The following CADM2 variants were observed in gnomAD, a reference collection of about 807,000 sequenced individuals.
CADM2 encodes immunoglobulin superfamily member 4D.
A neutral mutation model predicts 49.8 loss-of-function variants in CADM2; 12 were observed. The observed-to-expected ratio is 0.24, with a 90% confidence interval of 0.15 to 0.39. The LOEUF (loss-of-function observed/expected upper bound fraction) is 0.39. CADM2 is among the 10% of genes least tolerant of loss of function. The pLI is 1.00. For missense variants in CADM2, 378 were observed against 492.3 expected (o/e 0.77, Z 2.20); for synonymous variants, 214 against 175.4 (o/e 1.22, Z -1.74).
chr3:85,229,278 A>G (rs1212949811), intron 1 of CADM2, among the ~76,000 whole-genome samples: 2 of 152,190 alleles, frequency 1.3e-5, no homozygotes, highest in Non-Finnish European at 2.9e-5. Context: ...GCCAGGCACC[A>G]GAGGGAATCT....
chr3:85,746,002 C>T (rs1203491748), intron 2 of CADM2, among the ~76,000 whole-genome samples: 4 of 151,964 alleles, frequency 2.6e-5, no homozygotes, highest in African/African-American at 9.7e-5. Flanking sequence ...TTATGGTCAA[C>T]CAGGAAATAA....
chr3:85,770,882 T>C (rs1306836631), intron 2 of CADM2, among the ~76,000 whole-genome samples: 1 of 152,148 alleles, frequency 6.6e-6, no homozygotes, highest in African/African-American at 2.4e-5. Context: ...ACTTTGATAA[T>C]TTTCAAAGGG....
chr3:85,972,113 G>C (rs1726229192), intron 8 of CADM2, among the ~76,000 whole-genome samples: 1 of 151,658 alleles, frequency 6.6e-6, no homozygotes, highest in African/African-American at 2.4e-5. Context: ...ATTTAAGTAA[G>C]AGCTTTGGTG....
At chr3:85,407,996 A>G (rs1358604001) in intron 1 of CADM2, among the ~76,000 whole-genome samples, 2 of 137,832 alleles carry the variant, frequency 1.5e-5, no homozygotes, top group Non-Finnish European at 3.1e-5. Context: ...TCTTTAAACA[A>G]AACAAAACAA....
At chr3:85,668,381 A>G (rs1456468989) in intron 1 of CADM2, among the ~76,000 whole-genome samples, 1 of 151,958 alleles carries the variant, frequency 6.6e-6, no homozygotes, top group Non-Finnish European at 1.5e-5. Context: ...GAAATAATAA[A>G]TACATTAGAT....
At chr3:85,517,417 C>T (rs1386611147) in intron 1 of CADM2, among the ~76,000 whole-genome samples, 1 of 151,978 alleles carries the variant, frequency 6.6e-6, no homozygotes, top group Non-Finnish European at 1.5e-5. Flanking sequence ...AATTTCTAAG[C>T]CAAGTGCCAT....
intron 1 of CADM2, among the ~76,000 whole-genome samples, chr3:85,541,996 G>T (rs894309471): frequency 2.0e-5 from 3 of 151,660 alleles, no homozygotes; most frequent in South Asian, 2.1e-4. Flanking sequence ...TCACTCAATT[G>T]TGCTTTACTA....
chr3:85,675,760 T>C (rs1403362810), intron 1 of CADM2, among the ~76,000 whole-genome samples: 1 of 152,204 alleles, frequency 6.6e-6, no homozygotes, highest in Non-Finnish European at 1.5e-5. Flanking sequence ...ATAGAGGGTG[T>C]ACTTTTGTGA....
chr3:85,020,889 A>G (rs1049210060), intron 1 of CADM2, among the ~76,000 whole-genome samples: 4 of 152,018 alleles, frequency 2.6e-5, no homozygotes, highest in African/African-American at 9.7e-5. Context: ...TTTTACAACT[A>G]CATATTTTGA....
At chr3:85,099,900 G>T (rs1223762436) in intron 1 of CADM2, among the ~76,000 whole-genome samples, 2 of 152,178 alleles carry the variant, frequency 1.3e-5, no homozygotes, top group Non-Finnish European at 2.9e-5. Context: ...GAGCAATAGT[G>T]AGTGTACATA....
intron 8 of CADM2, chr3:85,979,230 C>T (rs1170383732): frequency 1.9e-6 from 3 of 1,610,938 alleles, no homozygotes; most frequent in Non-Finnish European, 2.5e-6. Flanking sequence ...GTCACAACCA[C>T]TGTAGCCATA....
In CADM2 at chr3:86,072,031, A is replaced by G. The variant is rs1331651677; in HGVS notation, c.*5248A>G. ...TTTTAAAAATCATCCTTATTAATAAATAATCCTCATATAATGCACAGTATT... is the reference window on the plus strand; with the variant it reads ...TTTTAAAAATCATCCTTATTAATAAGTAATCCTCATATAATGCACAGTATT... On this transcript the variant is annotated 3_prime_UTR_variant, in exon 10 of 10. Transcript: ENST00000383699. 2.0e-5 allele frequency: 3 copies of G among 151,928 alleles called. No individual in the cohort carries two copies. The highest frequency in any genetic ancestry group is 4.4e-5 in the Non-Finnish European group (3 of 67,892). 9.4% of individuals were successfully genotyped at this position (151,928 alleles called of 1,614,324 possible).
chr3:86,017,968 C>G (rs1732528946), intron 8 of CADM2, among the ~76,000 whole-genome samples: 1 of 137,970 alleles, frequency 7.2e-6, no homozygotes, highest in African/African-American at 2.7e-5. Flanking sequence ...TGCTGGTGCG[C>G]TGCACCCACT....
intron 1 of CADM2, among the ~76,000 whole-genome samples, chr3:85,093,254 C>T (rs997017881): frequency 7.9e-5 from 12 of 152,046 alleles, no homozygotes; most frequent in Admixed American, 7.2e-4. Flanking sequence ...AGTGTGGTGG[C>T]TCACGCTTGT....
chr3:85,359,435 A>T (rs2032143246), intron 1 of CADM2, among the ~76,000 whole-genome samples: 1 of 151,276 alleles, frequency 6.6e-6, no homozygotes, highest in African/African-American at 2.4e-5. Context: ...TAAAATCAAC[A>T]TCTGTTGGAA....
At chr3:84,983,469 A>G (rs1394379851) in intron 1 of CADM2, among the ~76,000 whole-genome samples, 1 of 151,964 alleles carries the variant, frequency 6.6e-6, no homozygotes, top group East Asian at 1.9e-4. Context: ...AATAAATTTT[A>G]TTATAAATAC....
intron 1 of CADM2, among the ~76,000 whole-genome samples, chr3:85,108,350 T>G (rs1326805685): frequency 4.6e-5 from 7 of 152,214 alleles, no homozygotes; most frequent in African/African-American, 1.7e-4. Flanking sequence ...ATGCATATAA[T>G]GTAATGTTAG....
At chr3:85,373,409 C>T (rs1038268167) in intron 1 of CADM2, among the ~76,000 whole-genome samples, 2 of 152,112 alleles carry the variant, frequency 1.3e-5, no homozygotes, top group African/African-American at 2.4e-5. Flanking sequence ...AGCTCTGACC[C>T]TATGACTTTA....
intron 1 of CADM2, among the ~76,000 whole-genome samples, chr3:85,576,325 A>C (rs1356174612): frequency 6.6e-6 from 1 of 152,166 alleles, no homozygotes; most frequent in Admixed American, 6.5e-5. Flanking sequence ...AAAGCTGAGA[A>C]AGCATTCAAA....
Sources: gnomAD v4.1 joint callset for allele counts (sites outside exome capture counted in the v4.1 genomes callset) on GRCh38, gnomAD v4.1.1 for gene constraint, MANE v1.5 for transcripts, NCBI Gene and HGNC (gene_info 2026-07-23, HGNC 2026-07-21) for gene names.